PUM1: variants seen among roughly 807,000 people sequenced by gnomAD.
PUM1 encodes pumilio RNA binding family member 1.
A neutral mutation model predicts 131.8 loss-of-function variants in PUM1; 13 were observed. That is an observed-to-expected ratio of 0.10 (90% CI 0.06 to 0.16). PUM1 has a LOEUF of 0.16. PUM1 is among the 10% of genes least tolerant of loss of function. The pLI, the probability that PUM1 is intolerant of heterozygous loss-of-function variation, is 1.00. For synonymous variants in PUM1, 509 were observed against 556.5 expected (o/e 0.91, Z 1.20); for missense variants, 961 against 1,512.4 (o/e 0.64, Z 6.05).
At chr1:31,033,007 G>A (rs900062793) in intron 2 of PUM1, among the ~76,000 whole-genome samples, 5 of 151,460 alleles carry the variant, frequency 3.3e-5, no homozygotes, top group East Asian at 1.9e-4. Context: ...TCGGGAGGCC[G>A]AGGCAGGAGA....
chr1:31,048,633 C>A (rs912049957), intron 2 of PUM1, among the ~76,000 whole-genome samples: 5 of 151,644 alleles, frequency 3.3e-5, no homozygotes, highest in African/African-American at 1.2e-4. Context: ...TGCCACCATG[C>A]CCAGCTAATT....
chr1:31,050,842 CT>C, intron 2 of PUM1: 1 of 191,816 alleles, frequency 5.2e-6, no homozygotes, highest in Non-Finnish European at 1.2e-5. Flanking sequence ...GAGCTCTTTC[CT>C]TTTGTCTCAC....
chr1:31,018,387 C>T lies in PUM1; in HGVS notation c.432+10409G>A, dbSNP rs191755423. ...TGAAAAAAATTAAAGGCTGGCGAGG[C>T]GTGGTGGCTCACGCCTCTAATCCCA... On this transcript the variant is annotated intron_variant, in intron 3 of 21. Transcript: ENST00000426105. Among the ~76,000 whole-genome samples, 463 of 151,908 alleles carry T rather than the reference C, an allele frequency of 3.0e-3. 3 individuals are homozygous for T. In the South Asian group the frequency reaches 0.032, roughly 11 times the overall value.
intron 10 of PUM1, among the ~76,000 whole-genome samples, chr1:30,972,843 G>T (rs1640976369): frequency 6.6e-6 from 1 of 151,900 alleles, no homozygotes; most frequent in South Asian, 2.1e-4. Context: ...ACTTTGGGAG[G>T]CCGAGACGGG....
chr1:31,006,225 AT>A (rs1642397250), intron 4 of PUM1, among the ~76,000 whole-genome samples, 194 bp from the exon 5 acceptor site: 1 of 152,256 alleles, frequency 6.6e-6, no homozygotes, highest in Non-Finnish European at 1.5e-5. Context: ...TTTATCCAGG[AT>A]AGCAGAGGAA....
At chr1:31,061,638 A>T (rs759065734) in intron 1 of PUM1, 39 of 150,288 alleles carry the variant, frequency 2.6e-4, no homozygotes, top group South Asian at 6.3e-4. Context: ...TTAAATTATA[A>T]AAAAAAAAGA....
chr1:31,040,364 GA>G (rs1233970415), intron 2 of PUM1, among the ~76,000 whole-genome samples: 1 of 152,226 alleles, frequency 6.6e-6, no homozygotes, highest in East Asian at 1.9e-4. Context: ...CAACCTTGGA[GA>G]AAAGTGGGAG....
rs201961136 is a variant in PUM1 at position 31,059,304 on chromosome 1, T to G, written c.263A>C (p.Gln88Pro). 1.0e-4 allele frequency: 165 copies of G among 1,614,196 alleles called. No individual in the cohort carries two copies. The highest frequency in any genetic ancestry group is 1.4e-4 in the Non-Finnish European group (164 of 1,180,036). ...DAMVDYFFQR[Q>P]HGEQLGGGGS... The stretch of plus-strand genomic sequence containing the variant: ...TCCTCCCCCAAGCTGCTCACCATGC[T>G]GCCTCTGAAAGAAGTAGTCCACCAT... Residue 88 changes from glutamine (Q) to proline (P), a missense_variant, in exon 2 of 22, where the codon CAG (glutamine) becomes CCG (proline). By Grantham distance (76) the Gln-to-Pro change is moderately conservative. Coordinates refer to ENST00000426105, the MANE Select transcript of PUM1 (RefSeq NM_001020658.2).
intron 2 of PUM1, among the ~76,000 whole-genome samples, chr1:31,049,569 G>C (rs1167568158): frequency 6.6e-6 from 1 of 150,504 alleles, no homozygotes; most frequent in Non-Finnish European, 1.5e-5. Flanking sequence ...AATCCCAACT[G>C]CTTGGGAGGC....
chr1:31,055,559 T>C (rs927418715), intron 2 of PUM1, among the ~76,000 whole-genome samples: 2 of 152,254 alleles, frequency 1.3e-5, no homozygotes, highest in Admixed American at 6.5e-5. Flanking sequence ...CATTATTTCA[T>C]GCGTCCAGCC....
intron 1 of PUM1, among the ~76,000 whole-genome samples, chr1:31,062,412 G>A (rs1026797732): frequency 1.1e-4 from 16 of 152,090 alleles, no homozygotes; most frequent in Non-Finnish European, 1.8e-4. Flanking sequence ...CTCCAGGTCA[G>A]AATTCCAGAC....
chr1:31,058,946 A>G (rs1417829768), intron 2 of PUM1, among the ~76,000 whole-genome samples: 1 of 152,100 alleles, frequency 6.6e-6, no homozygotes, highest in Non-Finnish European at 1.5e-5. Context: ...AGGCGACTAC[A>G]CTCCAGCCTG....
chr1:31,011,356 G>A (rs1642613273), intron 3 of PUM1, among the ~76,000 whole-genome samples: 1 of 152,092 alleles, frequency 6.6e-6, no homozygotes, highest in Admixed American at 6.5e-5. Flanking sequence ...ATATTTAAAT[G>A]TAAGTGATGA....
At chr1:31,011,164 T>TACATACACACAC (rs1553150338) in intron 3 of PUM1, among the ~76,000 whole-genome samples, 27 of 143,078 alleles carry the variant, frequency 1.9e-4, no homozygotes, top group South Asian at 2.3e-4. Context: ...TCTCTTAAAA[T>TACATACACACAC]ACACACACAC....
chr1:31,045,996 C>T (rs1426022210), intron 2 of PUM1, among the ~76,000 whole-genome samples: 2 of 151,756 alleles, frequency 1.3e-5, no homozygotes, highest in East Asian at 3.9e-4. Context: ...GCAGGAGAAT[C>T]GCTTGAACCC....
At position 30,966,792 on chromosome 1, in the gene PUM1, C is replaced by G. The variant is rs1323403001; in HGVS notation, c.1789+375G>C. On this transcript the variant is annotated intron_variant, in intron 12 of 21. Coordinates refer to ENST00000426105, the MANE Select transcript of PUM1 (RefSeq NM_001020658.2). Reference sequence around the variant, plus strand: ...TTTGTCACTTCTCACTACTCTTTCCCACGTCCTCCACTCCTGCCCCTGTGG... The same window carrying G: ...TTTGTCACTTCTCACTACTCTTTCCGACGTCCTCCACTCCTGCCCCTGTGG... 2.0e-5 allele frequency among the ~76,000 whole-genome samples: 3 copies of G among 152,282 alleles called. No homozygotes were observed. In the East Asian group the frequency reaches 5.8e-4, roughly 29 times the overall value.
At chr1:30,970,329 C>T (rs1180435141) in intron 10 of PUM1, among the ~76,000 whole-genome samples, 1 of 152,082 alleles carries the variant, frequency 6.6e-6, no homozygotes, top group African/African-American at 2.4e-5. Flanking sequence ...CAACACTGTC[C>T]ACACTGGCAA....
At chr1:31,031,375 G>T (rs1457053468) in intron 2 of PUM1, among the ~76,000 whole-genome samples, 2 of 152,148 alleles carry the variant, frequency 1.3e-5, no homozygotes, top group Non-Finnish European at 2.9e-5. Flanking sequence ...AGTAGGAGGA[G>T]TAAGAAAAAA....
chr1:30,994,914 T>C, intron 6 of PUM1, 140 bp downstream of exon 6: 1 of 853,844 alleles, frequency 1.2e-6, no homozygotes, highest in Non-Finnish European at 1.7e-6. Flanking sequence ...ACAATCTTTG[T>C]AGCATAGCCT....
Sources: allele counts gnomAD v4.1 joint callset (sites outside exome capture counted in the v4.1 genomes callset), GRCh38; gene constraint gnomAD v4.1.1; transcripts MANE v1.5; gene names NCBI Gene and HGNC (gene_info 2026-07-23, HGNC 2026-07-21).